AK5: variants seen among roughly 807,000 people sequenced by gnomAD.
The protein encoded by AK5 is adenylate kinase isoenzyme 5.
In AK5, 27 loss-of-function variants were observed where a neutral mutation model predicts 69.5. The ratio of observed to expected loss-of-function variants is 0.39; its 90% CI spans 0.29 to 0.54. The LOEUF (loss-of-function observed/expected upper bound fraction) is 0.54. Ranked by LOEUF, AK5 falls within the 20% of genes least tolerant of loss-of-function variation. The probability of loss-of-function intolerance (pLI) is 0.71; values close to 1 mark genes in which losing one functional copy is unlikely to be tolerated. For missense variants in AK5, 531 were observed against 700.4 expected (o/e 0.76, Z 2.73); for synonymous variants, 260 against 244.4 (o/e 1.06, Z -0.60).
At chr1:77,318,400 C>T (rs1660354151) in intron 5 of AK5, among the ~76,000 whole-genome samples, 1 of 152,136 alleles carries the variant, frequency 6.6e-6, no homozygotes, top group South Asian at 2.1e-4. Context: ...TCACCAGGCC[C>T]CTTCTCCAAC....
intron 9 of AK5, among the ~76,000 whole-genome samples, chr1:77,484,914 A>G (rs1655491831): frequency 6.6e-6 from 1 of 152,268 alleles, no homozygotes; most frequent in Non-Finnish European, 1.5e-5. Flanking sequence ...GATGAATGTC[A>G]TGTACCATCA....
intron 10 of AK5, among the ~76,000 whole-genome samples, chr1:77,500,565 G>A (rs1386911643): frequency 6.6e-6 from 1 of 152,106 alleles, no homozygotes; most frequent in Non-Finnish European, 1.5e-5. Context: ...GATCACCTGA[G>A]GTCAGGAGTT....
At chr1:77,359,735 A>G (rs1335853254) in intron 6 of AK5, among the ~76,000 whole-genome samples, 4 of 152,194 alleles carry the variant, frequency 2.6e-5, no homozygotes, top group Non-Finnish European at 5.9e-5. Context: ...CGAACTTTTT[A>G]TAAATCCTCT....
At chr1:77,438,462 A>G (rs1402542823) in intron 8 of AK5, among the ~76,000 whole-genome samples, 2 of 152,106 alleles carry the variant, frequency 1.3e-5, no homozygotes, top group Non-Finnish European at 2.9e-5. Flanking sequence ...GTTTCTTATT[A>G]ATCTCTTGAG....
chr1:77,514,612 C>T (rs931787702), intron 10 of AK5, among the ~76,000 whole-genome samples: 3 of 151,824 alleles, frequency 2.0e-5, no homozygotes, highest in Non-Finnish European at 2.9e-5. Context: ...AGTGCCTGCG[C>T]CATTTGGCCA....
chr1:77,438,066 T>C (rs1178519421), intron 8 of AK5, among the ~76,000 whole-genome samples: 3 of 152,130 alleles, frequency 2.0e-5, no homozygotes, highest in African/African-American at 7.2e-5. Flanking sequence ...GGATAGCTTG[T>C]TGGCTGTCAT....
intron 10 of AK5, among the ~76,000 whole-genome samples, chr1:77,516,227 A>C (rs1372176199): frequency 6.6e-6 from 1 of 152,204 alleles, no homozygotes; most frequent in African/African-American, 2.4e-5. Context: ...AAAGACAAAT[A>C]CTGCATGATC....
In AK5 at chr1:77,533,387, A is replaced by ACACCTGTAATCCCAGCTACTTGGGAGG. The variant is rs1390834153; in HGVS notation, c.1429-2458_1429-2432dup. ...AAAAATTAGCCGGGTGTGGTGGTGC[A>ACACCTGTAATCCCAGCTACTTGGGAGG]CACCTGTAATCCCAGCTACTTGGGA... is the stretch of plus-strand genomic sequence containing the variant. On this transcript the variant is annotated intron_variant, in intron 12 of 13. Coordinates refer to ENST00000354567, the MANE Select transcript of AK5 (RefSeq NM_174858.3). Among the ~76,000 whole-genome samples, 47 of 151,988 alleles carry ACACCTGTAATCCCAGCTACTTGGGAGG rather than the reference A, an allele frequency of 3.1e-4. No homozygotes were observed. The East Asian group carries it at 3.7e-3, about 12-fold the overall frequency.
intron 8 of AK5, among the ~76,000 whole-genome samples, chr1:77,467,904 C>T (rs1397386133): frequency 6.6e-6 from 1 of 152,204 alleles, no homozygotes; most frequent in Non-Finnish European, 1.5e-5. Context: ...CATCATCCCT[C>T]ACCCGGTGCT....
intron 5 of AK5, among the ~76,000 whole-genome samples, chr1:77,319,077 A>G (rs12751884): frequency 0.19 from 29,054 of 152,110 alleles, 3,399 homozygotes; most frequent in Admixed American, 0.27. Context: ...CCCAAGGCCT[A>G]TAGGTTCAAG....
intron 8 of AK5, among the ~76,000 whole-genome samples, chr1:77,474,513 G>A (rs1182042780): frequency 2.0e-5 from 3 of 152,220 alleles, no homozygotes; most frequent in African/African-American, 7.2e-5. Context: ...AGGCTTCGGA[G>A]TGGTTGATGG....
At chr1:77,337,415 TAGA>T (rs980700570) in intron 5 of AK5, among the ~76,000 whole-genome samples, 14 of 152,190 alleles carry the variant, frequency 9.2e-5, no homozygotes, top group Admixed American at 5.2e-4. Flanking sequence ...AATGCTGAGT[TAGA>T]AGTTTTTTCT....
rs1057395558 is a variant in AK5 at position 77,383,684 on chromosome 1, C to T, written c.892-27297C>T. ...TGTTGAAGAACCGTCAAAGTTACTA[C>T]AATTCCAATTAAAATATCAAAATGT... On this transcript the variant is annotated intron_variant, in intron 6 of 13. Transcript: ENST00000354567. 3.3e-5 allele frequency among the ~76,000 whole-genome samples: 5 copies of T among 152,078 alleles called. No individual in the cohort carries two copies. The South Asian group carries it at 6.2e-4, about 19-fold the overall frequency.
At chr1:77,287,205 A>G (rs1198502726) in intron 2 of AK5, 78 bp downstream of exon 2, 4 of 1,061,210 alleles carry the variant, frequency 3.8e-6, no homozygotes, top group African/African-American at 3.3e-5. Context: ...GACTATACAC[A>G]GTGATTTCAT....
rs551294358 is a variant in AK5, at chr1:77,486,452, G to T, written c.1147+100G>T. On this transcript the variant is annotated intron_variant, in intron 10 of 13. Transcript: ENST00000354567. ...GGCTTACACCTGTAATCCCAGCACTGTGGGAGGCCAAGGCGGGCAGATCAC... is the reference window on the plus strand; with the variant it reads ...GGCTTACACCTGTAATCCCAGCACTTTGGGAGGCCAAGGCGGGCAGATCAC... 57 of 796,328 alleles carry T rather than the reference G, an allele frequency of 7.2e-5. 1 individual carries two copies. The highest frequency in any genetic ancestry group is 5.7e-4 in the East Asian group (19 of 33,432). 49.3% of individuals were successfully genotyped at this position (796,328 alleles called of 1,614,324 possible).
intron 5 of AK5, among the ~76,000 whole-genome samples, chr1:77,316,941 A>G (rs1660274408): frequency 6.6e-6 from 1 of 152,194 alleles, no homozygotes; most frequent in Non-Finnish European, 1.5e-5. Flanking sequence ...TGCCATGTAT[A>G]TCAAGGCATG....
chr1:77,403,609 C>T (rs1649399599), intron 6 of AK5, among the ~76,000 whole-genome samples: 1 of 152,182 alleles, frequency 6.6e-6, no homozygotes, highest in Non-Finnish European at 1.5e-5. Flanking sequence ...ATAGTTGTAG[C>T]CATGCGGCAT....
At position 77,340,581 on chromosome 1, in the gene AK5, G is replaced by A. The variant is rs375065919; in HGVS notation, c.891+13G>A. ...GCTCATCATGACAGTAAGTTAGCTCGACTTTTACAAGTCCAATACAAGAGC... is the reference window on the plus strand; with the variant it reads ...GCTCATCATGACAGTAAGTTAGCTCAACTTTTACAAGTCCAATACAAGAGC... On this transcript the variant is annotated intron_variant, in intron 6 of 13. Coordinates refer to ENST00000354567, the MANE Select transcript of AK5 (RefSeq NM_174858.3). The A allele has an allele frequency of 1.7e-5, 28 of 1,610,274 alleles. No individual in the cohort carries two copies. Among genetic ancestry groups the A allele is most frequent in the African/African-American group, 8.0e-5 (6 of 74,838 alleles).
chr1:77,430,639 C>T (rs1047318528), intron 8 of AK5, among the ~76,000 whole-genome samples: 5 of 151,716 alleles, frequency 3.3e-5, no homozygotes, highest in East Asian at 1.9e-4. Flanking sequence ...AGCTGAACAC[C>T]GAGGAAATTT....
Sources: gnomAD v4.1 joint callset for allele counts (sites outside exome capture counted in the v4.1 genomes callset) on GRCh38, gnomAD v4.1.1 for gene constraint, MANE v1.5 for transcripts, NCBI Gene and HGNC (gene_info 2026-07-23, HGNC 2026-07-21) for gene names.